ALOXE3: variants seen among roughly 807,000 people sequenced by gnomAD.
The protein encoded by ALOXE3 is hydroperoxide isomerase ALOXE3.
ALOXE3 carries 78 observed loss-of-function variants against 87.5 expected under a neutral mutation model. That is an observed-to-expected ratio of 0.89 (90% CI 0.74 to 1.08). The LOEUF (loss-of-function observed/expected upper bound fraction) is 1.08, where lower values mean the gene tolerates loss of function less well. ALOXE3 is among the 50% of genes least tolerant of loss of function. ALOXE3 has a pLI of 0.00. For missense variants in ALOXE3, 946 were observed against 912.4 expected, an observed-to-expected ratio of 1.04 and a Z score of -0.47; for synonymous variants, 363 against 370.8, an observed-to-expected ratio of 0.98 and a Z score of 0.24.
rs1004740302 is a variant in ALOXE3, at chr17:8,118,105, C to A, written c.-115G>T. 1 of 1,554,212 alleles carries A rather than the reference C, an allele frequency of 6.4e-7. No individual in the cohort carries two copies. Reference sequence around the variant, plus strand: ...TTTCTGGGCGGAGGGCTAGGGGCTGCGGGGCTGGGTAGGGCTGAGGATGGG... The same window carrying A: ...TTTCTGGGCGGAGGGCTAGGGGCTGAGGGGCTGGGTAGGGCTGAGGATGGG... On this transcript the variant is annotated 5_prime_UTR_variant, in exon 2 of 16. Coordinates refer to ENST00000448843, the MANE Select transcript of ALOXE3 (RefSeq NM_021628.3).
At chr17:8,117,074 G>C (rs1362787011) in intron 2 of ALOXE3, 94 bp from the exon 3 acceptor site, 1 of 1,187,442 alleles carries the variant, frequency 8.4e-7, no homozygotes, top group Admixed American at 2.0e-5. Flanking sequence ...AAGCCTATTC[G>C]GGCATACAAA....
At chr17:8,103,579 C>T (rs1979064827) in intron 14 of ALOXE3, 86 bp from the exon 15 acceptor site, 10 of 1,427,190 alleles carry the variant, frequency 7.0e-6, no homozygotes, top group South Asian at 4.8e-5. Context: ...CCACCTCTGC[C>T]GTCCTAGAGG....
upstream of ALOXE3, chr17:8,118,612 T>C: frequency 6.5e-7 from 1 of 1,533,260 alleles, no homozygotes; most frequent in Non-Finnish European, 8.7e-7. Flanking sequence ...ACATGTCAAA[T>C]GGTCAGGAAC....
intron 15 of ALOXE3, among the ~76,000 whole-genome samples, chr17:8,098,240 T>TG (rs1032773964): frequency 1.1e-4 from 15 of 130,562 alleles, no homozygotes; most frequent in African/African-American, 4.1e-4. Context: ...TTTTGTTTTT[T>TG]TTTTTTTTTT....
intron 6 of ALOXE3, among the ~76,000 whole-genome samples, chr17:8,113,410 TG>T (rs1161303615): frequency 6.6e-6 from 1 of 152,176 alleles, no homozygotes; most frequent in African/African-American, 2.4e-5. Flanking sequence ...CCCAGCACTT[TG>T]GGAGGCCAAG....
rs759477802 is a variant in ALOXE3 at position 8,110,179 on chromosome 17, G to A, written c.1218C>T (p.Asn406=). ...GCAAATGCGTGCACAGAAAGTGCGT[G>A]TTGTTTTCGTGCACCAGGAACTCAG... ...RNSEFLVHEN[N]THFLCTHLLC... Residue 406 remains asparagine (N), a synonymous_variant, in exon 10 of 16, where the codon AAC becomes AAT. Transcript: ENST00000448843. The A allele has an allele frequency of 3.7e-6, 6 of 1,614,004 alleles. No homozygotes were observed. The Admixed American group carries it at 6.7e-5, about 18-fold the overall frequency.
chr17:8,115,651 C>T lies in ALOXE3; in HGVS notation c.390G>A (p.Leu130=). 1 of 1,614,050 alleles carries T rather than the reference C, an allele frequency of 6.2e-7. No homozygotes were observed. Among genetic ancestry groups the T allele is most frequent in the Non-Finnish European group, 8.5e-7 (1 of 1,179,914 alleles). The change falls in exon 4 of 16, where the codon CTG becomes CTA. Residue 130 remains leucine, a synonymous_variant. Coordinates refer to ENST00000448843, the MANE Select transcript of ALOXE3 (RefSeq NM_021628.3). ...TICQDSLPLL[L]DHRTRELRAR... ...CCCGGAGCTCCCGTGTCCTGTGATC[C>T]AGGAGGAGGGGAAGAGAGTCCTGAC... is the stretch of plus-strand genomic sequence containing the variant.
At chr17:8,103,283 C>T in intron 15 of ALOXE3, 40 bp downstream of exon 15, 1 of 1,611,266 alleles carries the variant, frequency 6.2e-7, no homozygotes, top group Non-Finnish European at 8.5e-7. Context: ...TACTGGTGGC[C>T]CTAAAGAACC....
rs775409329 is a variant in ALOXE3, at chr17:8,104,112, C to T, written c.1785+3G>A. On this transcript the variant is annotated splice_donor_region_variant and intron_variant, in intron 14 of 15. Coordinates refer to ENST00000448843, the MANE Select transcript of ALOXE3 (RefSeq NM_021628.3). ...TCCCCAGGCCTGCCCTTTGTAGCCT[C>T]ACCTGCCCACTGTTGACAGCAGCGT... 1 of 1,613,104 alleles carries T rather than the reference C, an allele frequency of 6.2e-7. No homozygotes were observed. Among genetic ancestry groups the T allele is most frequent in the Non-Finnish European group, 8.5e-7 (1 of 1,179,562 alleles).
intron 6 of ALOXE3, among the ~76,000 whole-genome samples, chr17:8,114,037 A>T (rs1027790592): frequency 3.3e-5 from 5 of 151,782 alleles, no homozygotes; most frequent in African/African-American, 1.2e-4. Context: ...AAAAAAAAAA[A>T]AAAAAGTGAT....
Position 8,108,469 on chromosome 17 carries a change from T to G in ALOXE3, c.1683A>C (p.Ser561=), listed in dbSNP as rs766786079. The change falls in exon 13 of 16, where the codon TCA becomes TCC. Residue 561 remains serine (S), a splice_region_variant and synonymous_variant. Coordinates refer to ENST00000448843, the MANE Select transcript of ALOXE3 (RefSeq NM_021628.3). ...FAQAFLGRES[S]GFPSRLCTPG... is the part of the protein sequence containing the mutation. The stretch of plus-strand genomic sequence containing the variant: ...GAAAGTGGGATAGAGAGGGGATACC[T>G]GAGCTTTCCCGGCCCAGGAACGCCT... 2 of 1,612,650 alleles carry G rather than the reference T, an allele frequency of 1.2e-6. No individual in the cohort carries two copies. Among genetic ancestry groups the G allele is most frequent in the Non-Finnish European group, 1.7e-6 (2 of 1,179,148 alleles).
intron 15 of ALOXE3, among the ~76,000 whole-genome samples, chr17:8,101,122 G>C (rs1021629231): frequency 6.6e-6 from 1 of 151,744 alleles, no homozygotes; most frequent in South Asian, 2.1e-4. Context: ...CTGCCTCCCG[G>C]GTTTAAGTGA....
At chr17:8,107,590 G>A (rs1446916223) in intron 13 of ALOXE3, among the ~76,000 whole-genome samples, 3 of 151,804 alleles carry the variant, frequency 2.0e-5, no homozygotes, top group African/African-American at 7.3e-5. Flanking sequence ...ATGAGGTCAG[G>A]AGATCGAGAC....
At chr17:8,107,512 G>T (rs1471236543) in intron 13 of ALOXE3, among the ~76,000 whole-genome samples, 8 of 151,974 alleles carry the variant, frequency 5.3e-5, no homozygotes, top group Non-Finnish European at 8.8e-5. Flanking sequence ...GTAAGACTCT[G>T]TCTCGCACCA....
intron 13 of ALOXE3, among the ~76,000 whole-genome samples, chr17:8,107,685 G>A (rs1234605584): frequency 6.6e-6 from 1 of 151,254 alleles, no homozygotes; most frequent in Non-Finnish European, 1.5e-5. Context: ...TGTAGTCCCA[G>A]CTACTCCGGA....
chr17:8,102,559 C>A (rs1395124153), intron 15 of ALOXE3, among the ~76,000 whole-genome samples: 1 of 152,148 alleles, frequency 6.6e-6, no homozygotes, highest in Non-Finnish European at 1.5e-5. Flanking sequence ...AGACAAAGCC[C>A]TACCTTCCTC....
Position 8,112,655 on chromosome 17 carries a change from G to A in ALOXE3, c.681-459C>T, listed in dbSNP as rs186380189. Among the ~76,000 whole-genome samples, 350 of 152,204 alleles carry A rather than the reference G, an allele frequency of 2.3e-3. 1 individual carries two copies. The Middle Eastern group carries it at 0.034, about 15-fold the overall frequency. On this transcript the variant is annotated intron_variant, in intron 6 of 15. Transcript: ENST00000448843. ...CATTAGACAGGGCCAACCAAGACCCGCTCTCCAAACATGATCAGAGACATG... is the reference window on the plus strand; with the variant it reads ...CATTAGACAGGGCCAACCAAGACCCACTCTCCAAACATGATCAGAGACATG...
intron 13 of ALOXE3, among the ~76,000 whole-genome samples, chr17:8,107,964 A>AGG: frequency 4.6e-4 from 1 of 2,196 alleles, no homozygotes; most frequent in East Asian, 3.7e-3. Flanking sequence ...AAAGAAAGGA[A>AGG]GGAGAGAGAG....
At chr17:8,108,212 G>T (rs377070769) in intron 13 of ALOXE3, among the ~76,000 whole-genome samples, 1 of 152,110 alleles carries the variant, frequency 6.6e-6, no homozygotes, top group Non-Finnish European at 1.5e-5. Context: ...GAAATGAATG[G>T]GTGGGCTTGT....
Sources: gnomAD v4.1 joint callset for allele counts (sites outside exome capture counted in the v4.1 genomes callset) on GRCh38, gnomAD v4.1.1 for gene constraint, MANE v1.5 for transcripts, NCBI Gene and HGNC (gene_info 2026-07-23, HGNC 2026-07-21) for gene names.